LEF1: variants seen among roughly 807,000 people sequenced by gnomAD.
LEF1 encodes the protein lymphoid enhancer binding factor 1.
LEF1 carries 14 observed loss-of-function variants against 51.2 expected under a neutral mutation model. The observed-to-expected ratio is 0.27, with a 90% CI of 0.18 to 0.43. The LOEUF is 0.43. Among genes scored for constraint, LEF1 ranks in the 20% least tolerant of loss-of-function variants. The pLI is 1.00. For synonymous variants in LEF1, 185 were observed against 183.2 expected (o/e 1.01, Z -0.08); for missense variants, 386 against 512.0 (o/e 0.75, Z 2.37).
chr4:108,092,760 T>C (rs1740106282), intron 3 of LEF1, among the ~76,000 whole-genome samples: 1 of 151,972 alleles, frequency 6.6e-6, no homozygotes, highest in Non-Finnish European at 1.5e-5. Flanking sequence ...CCCGTGTGCA[T>C]ATGTGTGTAT....
chr4:108,076,273 T>C (rs1417318252), intron 8 of LEF1, among the ~76,000 whole-genome samples: 3 of 152,252 alleles, frequency 2.0e-5, no homozygotes, highest in African/African-American at 7.2e-5. Flanking sequence ...AATGTCTGTA[T>C]TCTGTCATAA....
At chr4:108,131,325 G>A (rs1742875846) in intron 3 of LEF1, among the ~76,000 whole-genome samples, 1 of 151,320 alleles carries the variant, frequency 6.6e-6, no homozygotes, top group Non-Finnish European at 1.5e-5. Flanking sequence ...CCAAGCTGCA[G>A]TGAGCTATCA....
intron 3 of LEF1, among the ~76,000 whole-genome samples, chr4:108,121,607 A>G (rs2110334220): frequency 6.6e-6 from 1 of 152,314 alleles, no homozygotes; most frequent in Admixed American, 6.5e-5. Flanking sequence ...CTTGGATAAC[A>G]TTTTCTGGCC....
chr4:108,077,807 G>A (rs1286936724), intron 8 of LEF1, among the ~76,000 whole-genome samples: 1 of 152,252 alleles, frequency 6.6e-6, no homozygotes, highest in African/African-American at 2.4e-5. Flanking sequence ...AGCCTTGTGT[G>A]TGATCTTCCT....
intron 3 of LEF1, among the ~76,000 whole-genome samples, chr4:108,101,724 T>G (rs577135285): frequency 1.3e-5 from 2 of 152,248 alleles, no homozygotes; most frequent in Admixed American, 6.5e-5. Context: ...ATTCTAAAGC[T>G]TTGAATTTCA....
chr4:108,124,322 A>T (rs945624152), intron 3 of LEF1, among the ~76,000 whole-genome samples: 1 of 152,132 alleles, frequency 6.6e-6, no homozygotes, highest in African/African-American at 2.4e-5. Flanking sequence ...ATATTATGTA[A>T]CACCCCCAGC....
intron 3 of LEF1, among the ~76,000 whole-genome samples, chr4:108,128,889 A>G (rs1234543349): frequency 1.3e-5 from 2 of 152,158 alleles, no homozygotes; most frequent in Admixed American, 6.5e-5. Flanking sequence ...AAGAGAAGAA[A>G]CCCATAAAAA....
intron 11 of LEF1, among the ~76,000 whole-genome samples, chr4:108,053,194 G>C (rs2126254700): frequency 6.6e-6 from 1 of 152,188 alleles, no homozygotes; most frequent in African/African-American, 2.4e-5. Context: ...TTTGAAGAAA[G>C]ATGATAAAGA....
At chr4:108,149,516 G>A (rs4956037) in intron 3 of LEF1, among the ~76,000 whole-genome samples, 83,987 of 145,780 alleles carry the variant, frequency 0.58, 24,884 homozygotes, top group Middle Eastern at 0.72. Context: ...TCATTGTAGT[G>A]GTATTTAAAA....
intron 3 of LEF1, among the ~76,000 whole-genome samples, chr4:108,118,614 G>A (rs901498540): frequency 3.9e-5 from 6 of 152,208 alleles, no homozygotes; most frequent in Non-Finnish European, 5.9e-5. Context: ...GCTTCTCTTA[G>A]ATGATTGTCA....
chr4:108,074,727 G>T (rs1463956523), intron 8 of LEF1, among the ~76,000 whole-genome samples: 6 of 152,180 alleles, frequency 3.9e-5, no homozygotes, highest in Admixed American at 6.5e-5. Flanking sequence ...ATAGAAACAG[G>T]TGTCTAAATC....
At chr4:108,158,917 T>G (rs1056851299) in intron 3 of LEF1, among the ~76,000 whole-genome samples, 1 of 151,732 alleles carries the variant, frequency 6.6e-6, no homozygotes, top group Admixed American at 6.6e-5. Context: ...TGTATGGGAG[T>G]GGAAAAAATA....
intron 1 of LEF1, 64 bp from the exon 2 acceptor site, chr4:108,165,227 G>A (rs2110426846): frequency 7.0e-7 from 1 of 1,437,452 alleles, no homozygotes; most frequent in Non-Finnish European, 9.8e-7. Flanking sequence ...GACAATAATG[G>A]TACAAATGTG....
chr4:108,068,170 G>A (rs1238976316), intron 9 of LEF1, among the ~76,000 whole-genome samples: 1 of 152,078 alleles, frequency 6.6e-6, no homozygotes, highest in Non-Finnish European at 1.5e-5. Context: ...GGAAGGCTGA[G>A]GCTGGAGAAT....
intron 9 of LEF1, among the ~76,000 whole-genome samples, chr4:108,066,797 AT>A (rs1189004664): frequency 6.6e-6 from 1 of 152,232 alleles, no homozygotes; most frequent in Non-Finnish European, 1.5e-5. Flanking sequence ...ATTGGAAAGC[AT>A]TAAAAACTAA....
chr4:108,102,910 C>T (rs944094225), intron 3 of LEF1, among the ~76,000 whole-genome samples: 1 of 152,208 alleles, frequency 6.6e-6, no homozygotes, highest in Non-Finnish European at 1.5e-5. Context: ...TGACCCTTAT[C>T]TCATTTGGAT....
At chr4:108,135,112 A>G (rs1743170369) in intron 3 of LEF1, among the ~76,000 whole-genome samples, 1 of 152,232 alleles carries the variant, frequency 6.6e-6, no homozygotes, top group Non-Finnish European at 1.5e-5. Flanking sequence ...CAAACTTGTT[A>G]GAGGAAGACA....
chr4:108,084,731 C>A (rs1240667877), intron 4 of LEF1, among the ~76,000 whole-genome samples: 1 of 151,986 alleles, frequency 6.6e-6, no homozygotes. Flanking sequence ...CTCCTTTATT[C>A]AAAAAAATTG....
chr4:108,047,595 G>A lies in LEF1; in HGVS notation c.*1163C>T, dbSNP rs966153552. On this transcript the variant is annotated 3_prime_UTR_variant, in exon 12 of 12. Transcript: ENST00000265165. ...ATTACAAAGCTTCTTTTAAAAAAAT[G>A]CTCAGCACATTAACTCAAACTGGAA... 1 of 152,406 alleles carries A rather than the reference G, an allele frequency of 6.6e-6. No individual in the cohort carries two copies. Among genetic ancestry groups the A allele is most frequent in the African/African-American group, 2.4e-5 (1 of 41,462 alleles). The allele number at this position is 152,406 out of a possible 1,614,324, so 9.4% of individuals were successfully genotyped here.
Sources: gnomAD v4.1 joint callset for allele counts (sites outside exome capture counted in the v4.1 genomes callset) on GRCh38, gnomAD v4.1.1 for gene constraint, MANE v1.5 for transcripts, NCBI Gene and HGNC (gene_info 2026-07-23, HGNC 2026-07-21) for gene names.